The following CUX1 variants were observed in gnomAD, a reference collection of about 807,000 sequenced individuals.
CUX1 encodes protein CASP.
Under a neutral mutation model 158.8 loss-of-function variants are expected in CUX1, and 31 were observed. The ratio of observed to expected loss-of-function variants is 0.20; its 90% CI spans 0.15 to 0.26. CUX1 has a LOEUF of 0.26. Ranked by LOEUF, CUX1 falls within the 10% of genes least tolerant of loss-of-function variation. CUX1 has a pLI of 1.00. For missense variants in CUX1, 1,589 were observed against 2,014.6 expected (o/e 0.79, Z 4.04); for synonymous variants, 879 against 862.1 (o/e 1.02, Z -0.34).
intron 2 of CUX1, chr7:101,932,618 G>A (rs1458588308): frequency 2.2e-6 from 1 of 455,324 alleles, no homozygotes; most frequent in African/African-American, 2.0e-5. Flanking sequence ...TGTGCTCGGG[G>A]AAAGGTGATA....
chr7:102,211,380 A>T (rs1464961677), intron 20 of CUX1, among the ~76,000 whole-genome samples: 1 of 152,110 alleles, frequency 6.6e-6, no homozygotes, highest in Non-Finnish European at 1.5e-5. Context: ...CAGGAGGTGG[A>T]GGCTGCAGTG....
chr7:102,142,081 G>A (rs1171718094), intron 8 of CUX1, among the ~76,000 whole-genome samples: 3 of 152,112 alleles, frequency 2.0e-5, no homozygotes, highest in East Asian at 1.9e-4. Flanking sequence ...CCACTGCGCC[G>A]CCCTGCACCT....
chr7:102,090,825 T>TATGCCA (rs1450850043), intron 4 of CUX1, among the ~76,000 whole-genome samples: 1 of 152,208 alleles, frequency 6.6e-6, no homozygotes, highest in African/African-American at 2.4e-5. Context: ...TTATTGAGTG[T>TATGCCA]TAACTCTGTG....
At chr7:101,828,638 G>A (rs149213306) in intron 1 of CUX1, among the ~76,000 whole-genome samples, 7 of 152,360 alleles carry the variant, frequency 4.6e-5, no homozygotes, top group Admixed American at 1.3e-4. Flanking sequence ...CCCCGTCCCT[G>A]TGTCTGGGCA....
At chr7:102,158,119 A>G (rs1283806395) in intron 8 of CUX1, among the ~76,000 whole-genome samples, 3 of 150,022 alleles carry the variant, frequency 2.0e-5, no homozygotes, top group Non-Finnish European at 4.4e-5. Context: ...TCCTCCTCTC[A>G]CCCCCAGCCT....
At chr7:101,858,269 C>T (rs76653084) in intron 1 of CUX1, among the ~76,000 whole-genome samples, 11,400 of 152,188 alleles carry the variant, frequency 0.075, 914 homozygotes, top group East Asian at 0.36. Context: ...GCTAAAAACC[C>T]GGCCAAGAGC....
intron 2 of CUX1, among the ~76,000 whole-genome samples, chr7:101,921,321 A>G (rs1237132823): frequency 1.3e-5 from 2 of 152,114 alleles, no homozygotes; most frequent in Admixed American, 6.6e-5. Flanking sequence ...GCCTGTCCCT[A>G]GAGTTTAGCT....
chr7:102,086,017 G>A (rs1554480344), intron 4 of CUX1, among the ~76,000 whole-genome samples: 1 of 152,122 alleles, frequency 6.6e-6, no homozygotes, highest in African/African-American at 2.4e-5. Context: ...TTAAAGGAAT[G>A]ATCCATTTCA....
In CUX1 at chr7:102,201,616, C is replaced by T. The variant is rs782489268; in HGVS notation, c.2319C>T (p.Ala773=). ...SLKKPSAAPE[A]GASALPNPPA... ...AGAAGCCCTCCGCAGCTCCTGAGGC[C>T]GGTGCCTCTGCTCTGCCGAACCCCC... Residue 773 remains alanine (A), a synonymous_variant, in exon 18 of 24, where the codon GCC becomes GCT. Transcript: ENST00000292535. This position sits in a 1 kb window ranked among gnomAD's most constrained non-coding sequence, Gnocchi z 5.0. The T allele has an allele frequency of 1.6e-5, 26 of 1,613,868 alleles. No homozygotes were observed. The Admixed American group carries it at 2.3e-4, about 14-fold the overall frequency.
chr7:101,864,902 G>T (rs1338389815), intron 1 of CUX1, among the ~76,000 whole-genome samples: 1 of 152,106 alleles, frequency 6.6e-6, no homozygotes, highest in Admixed American at 6.5e-5. Flanking sequence ...TCAACTGGGG[G>T]TGCTTCATGA....
chr7:102,232,653 G>A (rs1179717341), intron 21 of CUX1, among the ~76,000 whole-genome samples: 1 of 152,232 alleles, frequency 6.6e-6, no homozygotes, highest in Non-Finnish European at 1.5e-5. Context: ...CTTTACAAGC[G>A]GTGGCCCTCT....
chr7:101,876,996 C>T lies in CUX1; in HGVS notation c.31-39119C>T, dbSNP rs186536148. On this transcript the variant is annotated intron_variant, in intron 1 of 23. Transcript: ENST00000292535. ...GTTGGGATGGGTATCCTTGTACATC[C>T]GTGCAGCTTTTCTATGATTTTTAAT... 3.2e-3 allele frequency among the ~76,000 whole-genome samples: 494 copies of T among 152,238 alleles called. 3 individuals carry two copies. Among genetic ancestry groups the T allele is most frequent in the South Asian group, 0.011 (53 of 4,824 alleles).
chr7:101,903,688 A>G (rs1033851828), intron 1 of CUX1, among the ~76,000 whole-genome samples: 9 of 152,226 alleles, frequency 5.9e-5, no homozygotes, highest in Middle Eastern at 3.4e-3. Flanking sequence ...TCCGCCTTAC[A>G]TGTCATTATG....
intron 3 of CUX1, among the ~76,000 whole-genome samples, chr7:102,037,992 C>T (rs1456341182): frequency 6.6e-6 from 1 of 150,524 alleles, no homozygotes; most frequent in East Asian, 2.0e-4. Flanking sequence ...GAGGTGGAGG[C>T]TGCAGTGAGC....
chr7:101,943,528 A>C (rs1807978732), intron 2 of CUX1, among the ~76,000 whole-genome samples: 1 of 151,822 alleles, frequency 6.6e-6, no homozygotes, highest in Non-Finnish European at 1.5e-5. Context: ...TCTTTGGTGC[A>C]GTCTTGGTGT....
At chr7:102,224,145 T>C (rs1262720335) in intron 20 of CUX1, among the ~76,000 whole-genome samples, 3 of 152,232 alleles carry the variant, frequency 2.0e-5, no homozygotes, top group Admixed American at 1.3e-4. Flanking sequence ...CAGATGTCTG[T>C]TGGCGAGTAA....
chr7:102,088,133 G>T (rs1273159388), intron 4 of CUX1, among the ~76,000 whole-genome samples: 1 of 151,956 alleles, frequency 6.6e-6, no homozygotes, highest in African/African-American at 2.4e-5. Context: ...CAGTAACTGG[G>T]ATTACAGGTG....
chr7:102,118,866 C>T (rs1831719110), intron 8 of CUX1, among the ~76,000 whole-genome samples: 1 of 152,226 alleles, frequency 6.6e-6, no homozygotes, highest in South Asian at 2.1e-4. Flanking sequence ...ATTCTCCTGC[C>T]TCAGCCTACC....
chr7:101,966,678 G>A (rs1811257317), intron 2 of CUX1, among the ~76,000 whole-genome samples: 1 of 152,124 alleles, frequency 6.6e-6, no homozygotes, highest in Non-Finnish European at 1.5e-5. Context: ...CATGGCAGGG[G>A]GCCAGGTGCC....
Sources: allele counts gnomAD v4.1 joint callset (sites outside exome capture counted in the v4.1 genomes callset), GRCh38; gene constraint gnomAD v4.1.1; non-coding constraint Gnocchi (gnomAD v3.1); transcripts MANE v1.5; gene names NCBI Gene and HGNC (gene_info 2026-07-23, HGNC 2026-07-21).